The following ARB2A variants were observed in gnomAD, a reference collection of about 807,000 sequenced individuals.
The protein encoded by ARB2A is ARB2 cotranscriptional regulator A, also known as cotranscriptional regulator ARB2A.
the ARB2A span, among the ~76,000 whole-genome samples, chr5:93,857,221 CG>C: frequency 3.9e-5 from 6 of 152,222 alleles, no homozygotes; most frequent in Admixed American, 6.5e-5. Flanking sequence ...TTAGGCTGCT[CG>C]GGGGTCAGGA....
chr5:93,806,281 A>G, the ARB2A span, among the ~76,000 whole-genome samples: 1 of 151,844 alleles, frequency 6.6e-6, no homozygotes, highest in African/African-American at 2.4e-5. Flanking sequence ...TTTCATTGGT[A>G]TTTTCATAAT....
chr5:93,891,464 A>G, the ARB2A span, among the ~76,000 whole-genome samples: 1 of 152,094 alleles, frequency 6.6e-6, no homozygotes, highest in African/African-American at 2.4e-5. Context: ...CAAAATTTAA[A>G]AAACTAGAAC....
the ARB2A span, among the ~76,000 whole-genome samples, chr5:94,045,603 T>A: frequency 6.6e-6 from 1 of 152,110 alleles, no homozygotes; most frequent in Non-Finnish European, 1.5e-5. Context: ...ATACACAAAA[T>A]TAGGAACATT....
chr5:93,643,797 G>A, the ARB2A span, among the ~76,000 whole-genome samples: 1 of 152,102 alleles, frequency 6.6e-6, no homozygotes, highest in Non-Finnish European at 1.5e-5. Context: ...CCTAGCCTAA[G>A]ACTTTTTAAA....
the ARB2A span, among the ~76,000 whole-genome samples, chr5:93,676,618 C>T: frequency 3.3e-4 from 51 of 152,254 alleles, no homozygotes; most frequent in African/African-American, 1.2e-3. Flanking sequence ...CATAGCGGGG[C>T]GATTCCTCAT....
At chr5:93,625,044 A>C in the ARB2A span, among the ~76,000 whole-genome samples, 1 of 152,150 alleles carries the variant, frequency 6.6e-6, no homozygotes, top group Non-Finnish European at 1.5e-5. Flanking sequence ...CACCATGCCC[A>C]TGGTACTTGA....
chr5:93,962,197 CT>C, the ARB2A span, among the ~76,000 whole-genome samples: 1 of 152,104 alleles, frequency 6.6e-6, no homozygotes, highest in South Asian at 2.1e-4. Flanking sequence ...TCTCAGACAC[CT>C]TTTGGTTGGT....
chr5:93,969,523 A>G, the ARB2A span, among the ~76,000 whole-genome samples: 1 of 152,172 alleles, frequency 6.6e-6, no homozygotes, highest in Non-Finnish European at 1.5e-5. Flanking sequence ...CTACTAATAC[A>G]GTAATGCCCT....
chr5:93,817,806 C>T, the ARB2A span, among the ~76,000 whole-genome samples: 1 of 151,994 alleles, frequency 6.6e-6, no homozygotes, highest in Non-Finnish European at 1.5e-5. Flanking sequence ...ACACAATATA[C>T]AAAAACTAGC....
the ARB2A span, chr5:93,865,689 T>C: frequency 1.0e-6 from 1 of 985,400 alleles, no homozygotes; most frequent in East Asian, 1.1e-4. Flanking sequence ...TACCTCTTCT[T>C]AATAATATGA....
chr5:93,628,052 ATTTTTTTTTT>A, the ARB2A span, among the ~76,000 whole-genome samples: 120 of 68,344 alleles, frequency 1.8e-3, no homozygotes, highest in African/African-American at 6.9e-3. Context: ...ATGTAGCATA[ATTTTTTTTTT>A]TTTTTTTTTT....
At chr5:93,865,812 C>T in the ARB2A span, 5 of 985,266 alleles carry the variant, frequency 5.1e-6, no homozygotes, top group South Asian at 2.3e-4. Flanking sequence ...GGAGGAGTCA[C>T]TACTTGCCGA....
At chr5:94,093,196 T>C in the ARB2A span, among the ~76,000 whole-genome samples, 28 of 152,200 alleles carry the variant, frequency 1.8e-4, no homozygotes, top group South Asian at 5.6e-3. Context: ...ACTTTAAAAG[T>C]AATATATAGG....
At chr5:93,715,811 A>G in the ARB2A span, among the ~76,000 whole-genome samples, 2 of 152,190 alleles carry the variant, frequency 1.3e-5, no homozygotes, top group South Asian at 2.1e-4. Context: ...GCTTGTTAGA[A>G]AAGAAATTTA....
chr5:93,962,898 C>G, the ARB2A span, among the ~76,000 whole-genome samples: 3 of 152,024 alleles, frequency 2.0e-5, no homozygotes, highest in South Asian at 2.1e-4. Context: ...ATACAGAGTT[C>G]TCTTCCATCT....
chr5:93,991,150 A>G, the ARB2A span, among the ~76,000 whole-genome samples: 1 of 152,104 alleles, frequency 6.6e-6, no homozygotes, highest in Non-Finnish European at 1.5e-5. Context: ...CCCAGAGCTC[A>G]TATAGGGAAT....
chr5:94,070,207 G>A, the ARB2A span, among the ~76,000 whole-genome samples: 1 of 152,118 alleles, frequency 6.6e-6, no homozygotes, highest in Non-Finnish European at 1.5e-5. Context: ...GGAAGTTACT[G>A]TGTTAAGTGA....
the ARB2A span, among the ~76,000 whole-genome samples, chr5:93,792,933 T>C: frequency 3.3e-5 from 5 of 152,098 alleles, 1 homozygote; most frequent in Non-Finnish European, 7.4e-5. Context: ...TCTCATTAGA[T>C]AGAACAATTC....
the ARB2A span, among the ~76,000 whole-genome samples, chr5:94,067,450 C>A: frequency 6.6e-6 from 1 of 152,024 alleles, no homozygotes; most frequent in Non-Finnish European, 1.5e-5. Context: ...AAGACTCCAC[C>A]AATAAACTTG....
Sources: gnomAD v4.1 joint callset for allele counts (sites outside exome capture counted in the v4.1 genomes callset) on GRCh38, gnomAD v4.1.1 for gene constraint, MANE v1.5 for transcripts, NCBI Gene and HGNC (gene_info 2026-07-23, HGNC 2026-07-21) for gene names.